Variants in SYCP1 observed in about 807,000 individuals in gnomAD.
SYCP1 encodes synaptonemal complex protein 1.
SYCP1 carries 64 observed loss-of-function variants against 153.1 expected under a neutral mutation model. That is an observed-to-expected ratio of 0.42 (90% confidence interval 0.34 to 0.51). The LOEUF is 0.51. Ranked by LOEUF, SYCP1 falls within the 20% of genes least tolerant of loss-of-function variation. The pLI is 0.06. For missense variants in SYCP1, 997 were observed against 1,049.0 expected, an observed-to-expected ratio of 0.95 and a Z score of 0.68; for synonymous variants, 384 against 341.8, an observed-to-expected ratio of 1.12 and a Z score of -1.36.
At chr1:114,916,043 G>A (rs527499511) in intron 20 of SYCP1, among the ~76,000 whole-genome samples, 20 of 152,270 alleles carry the variant, frequency 1.3e-4, no homozygotes, top group African/African-American at 3.4e-4. Context: ...AGAAGTGCCC[G>A]ACTGAGGGAA....
In SYCP1 at chr1:114,858,559, T is replaced by A; in HGVS notation, c.304T>A (p.Leu102Met). 1 of 1,591,108 alleles carries A rather than the reference T, an allele frequency of 6.3e-7. No individual in the cohort carries two copies. The highest frequency in any genetic ancestry group is 8.5e-7 in the Non-Finnish European group (1 of 1,170,528). Residue 102 changes from leucine (L) to methionine (M), a missense_variant, in exon 6 of 32, where the codon TTG becomes ATG. This residue lies in a region of SYCP1 where 285 missense variants were observed against 366.1 expected (regional missense o/e 0.78). Transcript: ENST00000369522. ...KDSDLENSEGLSRVYSKLYKE... is the reference protein window; with the variant it reads ...KDSDLENSEGMSRVYSKLYKE... The stretch of plus-strand genomic sequence containing the variant: ...CATATTTTAATAGAATTCAGAGGGA[T>A]TGAGCAGAGTGTATTCAAAACTGTA...
intron 27 of SYCP1, among the ~76,000 whole-genome samples, chr1:114,959,802 T>C (rs1671667352): frequency 6.6e-6 from 1 of 152,108 alleles, no homozygotes; most frequent in African/African-American, 2.4e-5. Context: ...TCAATGGCTA[T>C]AATTTTTAGT....
Position 114,994,882 on chromosome 1 carries a change from G to T in SYCP1, c.2794G>T (p.Ala932Ser), listed in dbSNP as rs146836664. 1,286 of 1,479,744 alleles carry T rather than the reference G, an allele frequency of 8.7e-4. 1 individual carries two copies. Among genetic ancestry groups the T allele is most frequent in the Non-Finnish European group, 1.1e-3 (1,209 of 1,114,056 alleles). 91.7% of individuals were successfully genotyped at this position (1,479,744 alleles called of 1,614,324 possible). ...TTTTTAAATTTTATTTTGTACTCAG[G>T]CCCCTTCATCTCTAACAACCCCTGG... is the stretch of plus-strand genomic sequence containing the variant. ...SHLCVKTPKKAPSSLTTPGST... is the reference protein window; with the variant it reads ...SHLCVKTPKKSPSSLTTPGST... Residue 932 changes from alanine (A) to serine (S), a missense_variant and splice_region_variant, in exon 32 of 32, where the codon GCC becomes TCC. Physicochemically the swap from Ala to Ser is moderately conservative, Grantham distance 99 (BLOSUM62 1). Coordinates refer to ENST00000369522, the MANE Select transcript of SYCP1 (RefSeq NM_003176.4).
intron 20 of SYCP1, among the ~76,000 whole-genome samples, chr1:114,920,786 G>A (rs574434775): frequency 9.9e-5 from 15 of 152,156 alleles, no homozygotes; most frequent in African/African-American, 2.4e-4. Context: ...TCTGGCATAA[G>A]TATAGCTATT....
intron 14 of SYCP1, 35 bp downstream of exon 14, chr1:114,886,344 G>A (rs1404352970): frequency 2.1e-6 from 3 of 1,446,500 alleles, no homozygotes; most frequent in East Asian, 2.5e-5. Flanking sequence ...CACAAAATAA[G>A]TGAATAAAAA....
chr1:114,856,416 A>G (rs1488762987), intron 2 of SYCP1, among the ~76,000 whole-genome samples, 157 bp from the exon 3 acceptor site: 1 of 152,218 alleles, frequency 6.6e-6, no homozygotes, highest in Non-Finnish European at 1.5e-5. Context: ...TTTATATAGA[A>G]AAGGCATTTG....
intron 16 of SYCP1, 87 bp downstream of exon 16, chr1:114,895,596 A>G: frequency 1.5e-6 from 1 of 647,824 alleles, no homozygotes; most frequent in African/African-American, 1.9e-5. Context: ...CACACTATAG[A>G]TGTTTTATAC....
intron 28 of SYCP1, among the ~76,000 whole-genome samples, chr1:114,980,892 A>G (rs576304196): frequency 6.6e-6 from 1 of 151,956 alleles, no homozygotes; most frequent in South Asian, 2.1e-4. Flanking sequence ...TATTAAACCT[A>G]TACCCGTTAG....
chr1:114,861,343 G>A (rs187349440), intron 8 of SYCP1, among the ~76,000 whole-genome samples: 338 of 152,094 alleles, frequency 2.2e-3, no homozygotes, highest in Non-Finnish European at 3.6e-3. Flanking sequence ...TTATAAAGTA[G>A]GATTTTTTCC....
At chr1:114,934,150 G>A (rs1006843741) in intron 23 of SYCP1, among the ~76,000 whole-genome samples, 2 of 152,162 alleles carry the variant, frequency 1.3e-5, no homozygotes, top group African/African-American at 2.4e-5. Flanking sequence ...AATGTTAAGG[G>A]CAGCCAGAGA....
intron 16 of SYCP1, among the ~76,000 whole-genome samples, chr1:114,898,660 CA>C (rs1460921304): frequency 6.6e-6 from 1 of 152,148 alleles, no homozygotes; most frequent in East Asian, 1.9e-4. Context: ...CTCCAGTCCT[CA>C]TTTTTGCTAA....
At position 114,911,514 on chromosome 1, in the gene SYCP1, C is replaced by T; in HGVS notation, c.1461C>T (p.Ala487=). The change falls in exon 18 of 32, where the codon GCC becomes GCT. Residue 487 remains alanine (A), a synonymous_variant. Coordinates refer to ENST00000369522, the MANE Select transcript of SYCP1 (RefSeq NM_003176.4). ...EVHDLEIQLT[A]ITTSEQYYSK... The stretch of plus-strand genomic sequence containing the variant: ...ATGATTTGGAAATACAGTTAACTGC[C>T]ATTACCACAAGTGAACAGTATTATT... The T allele has an allele frequency of 1.3e-6, 2 of 1,559,224 alleles. No individual in the cohort carries two copies. Among genetic ancestry groups the T allele is most frequent in the East Asian group, 4.9e-5 (2 of 40,520 alleles).
chr1:114,976,506 C>A (rs187525729), intron 27 of SYCP1, among the ~76,000 whole-genome samples: 1 of 151,672 alleles, frequency 6.6e-6, no homozygotes, highest in Non-Finnish European at 1.5e-5. Context: ...GATCTCCAGA[C>A]GAGGAAAAGT....
At chr1:114,898,807 G>A (rs531817543) in intron 16 of SYCP1, among the ~76,000 whole-genome samples, 28 of 152,150 alleles carry the variant, frequency 1.8e-4, no homozygotes, top group Non-Finnish European at 3.8e-4. Flanking sequence ...ATGGTACTCT[G>A]TTCCACAAGG....
At chr1:114,941,131 C>G (rs1035228203) in intron 23 of SYCP1, among the ~76,000 whole-genome samples, 2 of 152,036 alleles carry the variant, frequency 1.3e-5, no homozygotes, top group Non-Finnish European at 2.9e-5. Flanking sequence ...CCCATGCAAA[C>G]TAGAAGTTGG....
chr1:114,986,227 A>C (rs942105983), intron 30 of SYCP1, among the ~76,000 whole-genome samples: 1 of 152,036 alleles, frequency 6.6e-6, no homozygotes, highest in Non-Finnish European at 1.5e-5. Flanking sequence ...TCAAGATCAC[A>C]TAGTTAGTAA....
intron 16 of SYCP1, among the ~76,000 whole-genome samples, chr1:114,900,594 TA>T (rs1238416884): frequency 6.6e-6 from 1 of 152,170 alleles, no homozygotes; most frequent in Non-Finnish European, 1.5e-5. Context: ...TATAACCTTT[TA>T]TTAAAAACAC....
chr1:114,926,647 A>G (rs1455907219), intron 23 of SYCP1, 84 bp downstream of exon 23: 6 of 1,165,924 alleles, frequency 5.1e-6, no homozygotes, highest in African/African-American at 1.6e-5. Context: ...TTTATACAGT[A>G]TAAATTCAAT....
chr1:114,980,585 AAAG>A (rs1171753123), intron 28 of SYCP1, among the ~76,000 whole-genome samples: 10 of 151,908 alleles, frequency 6.6e-5, no homozygotes, highest in Non-Finnish European at 1.5e-4. Context: ...TATAGGTGAA[AAAG>A]AAGAAGTATC....
Sources: allele counts gnomAD v4.1 joint callset (sites outside exome capture counted in the v4.1 genomes callset), GRCh38; gene constraint gnomAD v4.1.1; regional missense constraint gnomAD v4.1.1; transcripts MANE v1.5; gene names NCBI Gene and HGNC (gene_info 2026-07-23, HGNC 2026-07-21).